The following RUNX2 variants were observed in gnomAD, a reference collection of about 807,000 sequenced individuals.
RUNX2 encodes the protein runt-related transcription factor 2.
A neutral mutation model predicts 51.7 loss-of-function variants in RUNX2; 10 were observed. That is an observed-to-expected ratio of 0.19 (90% CI 0.12 to 0.33). The LOEUF (loss-of-function observed/expected upper bound fraction) is 0.33. RUNX2 is among the 10% of genes least tolerant of loss of function. RUNX2 has a pLI of 1.00. For synonymous variants in RUNX2, 276 were observed against 273.6 expected (o/e 1.01, Z -0.09); for missense variants, 562 against 691.3 (o/e 0.81, Z 2.10).
intron 3 of RUNX2, among the ~76,000 whole-genome samples, chr6:45,427,000 G>A (rs189196648): frequency 4.4e-4 from 67 of 152,134 alleles, no homozygotes; most frequent in Non-Finnish European, 7.2e-4. Context: ...CTTATTAACC[G>A]TAATATAAAT....
intron 3 of RUNX2, 84 bp downstream of exon 3, chr6:45,423,041 C>T (rs1328025501): frequency 1.3e-5 from 20 of 1,542,128 alleles, no homozygotes; most frequent in Non-Finnish European, 1.7e-5. Flanking sequence ...GGGCTGGGCC[C>T]CGGACGTCCT....
chr6:45,329,829 C>T (rs1412412537), intron 2 of RUNX2, among the ~76,000 whole-genome samples: 1 of 151,940 alleles, frequency 6.6e-6, no homozygotes, highest in Non-Finnish European at 1.5e-5. Context: ...TCTAAACACA[C>T]TTACAAGATT....
chr6:45,440,030 G>A (rs893317528), intron 5 of RUNX2, among the ~76,000 whole-genome samples: 4 of 152,216 alleles, frequency 2.6e-5, no homozygotes, highest in African/African-American at 9.6e-5. Flanking sequence ...TTTGTGTGGT[G>A]CCCAGGGTGG....
chr6:45,520,713 T>G (rs1365483308), intron 7 of RUNX2, among the ~76,000 whole-genome samples: 1 of 152,176 alleles, frequency 6.6e-6, no homozygotes, highest in Non-Finnish European at 1.5e-5. Context: ...ACACCTCTAA[T>G]GTGTACATAT....
chr6:45,543,135 T>C (rs1802283299), intron 7 of RUNX2, among the ~76,000 whole-genome samples: 1 of 152,220 alleles, frequency 6.6e-6, no homozygotes, highest in African/African-American at 2.4e-5. Flanking sequence ...TCATGTTTAT[T>C]GTATAGTGTA....
intron 7 of RUNX2, among the ~76,000 whole-genome samples, chr6:45,528,536 G>T (rs1323719921): frequency 2.6e-5 from 4 of 152,070 alleles, no homozygotes; most frequent in Non-Finnish European, 5.9e-5. Context: ...CAGGAGAATT[G>T]TGTGAATCCA....
At chr6:45,542,060 G>A (rs1369653382) in intron 7 of RUNX2, among the ~76,000 whole-genome samples, 11 of 151,950 alleles carry the variant, frequency 7.2e-5, no homozygotes, top group South Asian at 2.1e-4. Flanking sequence ...GGAGCCAAAC[G>A]TGACTCAGGA....
chr6:45,347,277 A>G lies in RUNX2; in HGVS notation c.58+18493A>G, dbSNP rs551192501. On this transcript the variant is annotated intron_variant, in intron 2 of 8. Transcript: ENST00000647337. The stretch of plus-strand genomic sequence containing the variant: ...CAGTGAATAATTAAATTTCTTTAAA[A>G]TGAATTCGATTTCACTGATATATAT... 2.6e-5 allele frequency among the ~76,000 whole-genome samples: 4 copies of G among 152,326 alleles called. No individual in the cohort carries two copies. The East Asian group carries it at 7.7e-4, about 29-fold the overall frequency.
At chr6:45,382,887 T>G (rs1426957367) in intron 2 of RUNX2, among the ~76,000 whole-genome samples, 1 of 152,156 alleles carries the variant, frequency 6.6e-6, no homozygotes, top group Non-Finnish European at 1.5e-5. Flanking sequence ...ATGGTTGGGT[T>G]CTGGGTATAT....
rs115410542 is a variant in RUNX2, at chr6:45,449,621, A to G, written c.685+11570A>G. 7.4e-3 allele frequency among the ~76,000 whole-genome samples: 1,124 copies of G among 152,336 alleles called. 10 individuals carry two copies. The highest frequency in any genetic ancestry group is 0.011 in the Non-Finnish European group (720 of 68,032). On this transcript the variant is annotated intron_variant, in intron 5 of 8. Transcript: ENST00000647337. ...GGTTGATGTGATGAAGCAGTGTTAC[A>G]TAAGAAGCATGCTTAATGCTGCAGT... is the stretch of plus-strand genomic sequence containing the variant.
chr6:45,482,961 A>G (rs891423730), intron 5 of RUNX2, among the ~76,000 whole-genome samples: 6 of 152,114 alleles, frequency 3.9e-5, no homozygotes, highest in African/African-American at 1.4e-4. Flanking sequence ...TTCCTTTAGA[A>G]ATTGGTTTAT....
intron 7 of RUNX2, among the ~76,000 whole-genome samples, chr6:45,531,853 A>G (rs1582214162): frequency 6.9e-6 from 1 of 145,468 alleles, no homozygotes; most frequent in Non-Finnish European, 1.5e-5. Flanking sequence ...AAGAGCTGGA[A>G]AGGTTGATAC....
intron 5 of RUNX2, among the ~76,000 whole-genome samples, chr6:45,478,573 T>A (rs1800023358): frequency 6.6e-6 from 1 of 152,206 alleles, no homozygotes; most frequent in South Asian, 2.1e-4. Context: ...AATGAGATTC[T>A]CCTTTTTAAT....
At chr6:45,379,338 CTT>C (rs1449854991) in intron 2 of RUNX2, among the ~76,000 whole-genome samples, 1 of 152,112 alleles carries the variant, frequency 6.6e-6, no homozygotes, top group East Asian at 1.9e-4. Flanking sequence ...GTTGAAAGCT[CTT>C]TTGAGTACAT....
intron 6 of RUNX2, among the ~76,000 whole-genome samples, chr6:45,501,319 C>G (rs550727933): frequency 7.9e-4 from 120 of 152,340 alleles, no homozygotes; most frequent in Middle Eastern, 3.4e-3. Context: ...CAGGCTCCCC[C>G]ATCCTGTCTT....
intron 2 of RUNX2, among the ~76,000 whole-genome samples, chr6:45,374,206 A>G (rs967983453): frequency 6.6e-6 from 1 of 152,208 alleles, no homozygotes; most frequent in African/African-American, 2.4e-5. Context: ...GGCAAAAGCT[A>G]GGTTTACAGA....
At chr6:45,501,541 G>A (rs1582179402) in intron 6 of RUNX2, among the ~76,000 whole-genome samples, 1 of 152,330 alleles carries the variant, frequency 6.6e-6, no homozygotes, top group East Asian at 1.9e-4. Context: ...ACAGAAATAA[G>A]ACTATTGTGC....
intron 3 of RUNX2, among the ~76,000 whole-genome samples, chr6:45,424,823 T>C (rs1370475711): frequency 3.4e-5 from 5 of 148,994 alleles, no homozygotes; most frequent in African/African-American, 7.4e-5. Flanking sequence ...GCTCAAGAAA[T>C]TTTTTTTTTT....
intron 5 of RUNX2, among the ~76,000 whole-genome samples, chr6:45,467,579 G>C (rs1375631150): frequency 1.3e-5 from 2 of 152,132 alleles, no homozygotes; most frequent in South Asian, 4.1e-4. Flanking sequence ...ACTGCACCAG[G>C]CCTGCTTTAT....
Sources: allele counts gnomAD v4.1 joint callset (sites outside exome capture counted in the v4.1 genomes callset), GRCh38; gene constraint gnomAD v4.1.1; transcripts MANE v1.5; gene names NCBI Gene and HGNC (gene_info 2026-07-23, HGNC 2026-07-21).